Variants in EYS observed in about 807,000 individuals in gnomAD.
The protein encoded by EYS is EGF-like photoreceptor maintenance factor.
Under a neutral mutation model 282.1 loss-of-function variants are expected in EYS, and 250 were observed. The observed-to-expected ratio is 0.89, with a 90% confidence interval of 0.80 to 0.98. The LOEUF is 0.98. EYS is among the 50% of genes least tolerant of loss of function. EYS has a pLI of 0.00. For missense variants in EYS, 4,016 were observed against 3,709.0 expected (o/e 1.08, Z -2.15); for synonymous variants, 1,355 against 1,282.9 (o/e 1.06, Z -1.20).
intron 12 of EYS, among the ~76,000 whole-genome samples, chr6:65,110,603 C>T (rs1775187778): frequency 6.6e-6 from 1 of 151,996 alleles, no homozygotes; most frequent in Admixed American, 6.6e-5. Context: ...TTCCACGTAT[C>T]ATCCCTATTT....
intron 31 of EYS, among the ~76,000 whole-genome samples, chr6:64,218,847 G>T (rs555478262): frequency 1.3e-5 from 2 of 152,260 alleles, no homozygotes; most frequent in Non-Finnish European, 1.5e-5. Flanking sequence ...GAACCGTGAT[G>T]CCTGAGATTT....
At chr6:65,149,882 C>T (rs1175282928) in intron 12 of EYS, among the ~76,000 whole-genome samples, 2 of 152,114 alleles carry the variant, frequency 1.3e-5, no homozygotes, top group African/African-American at 4.8e-5. Context: ...TTAATTGACT[C>T]ACAGTTACAC....
intron 2 of EYS, among the ~76,000 whole-genome samples, chr6:65,622,910 A>C (rs555383838): frequency 7.9e-5 from 12 of 152,002 alleles, no homozygotes; most frequent in Non-Finnish European, 1.5e-4. Context: ...AGCATGCACA[A>C]CACCACCCGA....
intron 13 of EYS, among the ~76,000 whole-genome samples, chr6:65,037,962 A>G (rs1366648131): frequency 1.3e-5 from 2 of 151,702 alleles, no homozygotes; most frequent in African/African-American, 4.8e-5. Flanking sequence ...TTTCCGTATT[A>G]GCAGTTCCTC....
At chr6:63,890,431 A>G (rs1290517085) in intron 35 of EYS, among the ~76,000 whole-genome samples, 1 of 152,258 alleles carries the variant, frequency 6.6e-6, no homozygotes, top group Non-Finnish European at 1.5e-5. Flanking sequence ...ATTAGAACTC[A>G]GGATTAAGAA....
chr6:65,526,095 G>C (rs1008940602), intron 2 of EYS, among the ~76,000 whole-genome samples: 10 of 152,218 alleles, frequency 6.6e-5, no homozygotes, highest in Admixed American at 6.5e-4. Context: ...TTAGTGAAGG[G>C]TATCACATGG....
At chr6:65,233,247 T>C (rs2150269814) in intron 12 of EYS, among the ~76,000 whole-genome samples, 1 of 152,292 alleles carries the variant, frequency 6.6e-6, no homozygotes, top group South Asian at 2.1e-4. Context: ...GCATGTGTCA[T>C]ATATTTCTGT....
At chr6:65,016,487 T>G (rs1772056208) in intron 13 of EYS, among the ~76,000 whole-genome samples, 2 of 152,148 alleles carry the variant, frequency 1.3e-5, no homozygotes, top group African/African-American at 4.8e-5. Flanking sequence ...TTAAAATGTT[T>G]AAAGTGATAA....
intron 12 of EYS, among the ~76,000 whole-genome samples, chr6:65,059,103 A>T (rs1353315170): frequency 6.6e-6 from 1 of 152,136 alleles, no homozygotes; most frequent in Non-Finnish European, 1.5e-5. Context: ...AAAAAAAGTG[A>T]ATATTAAAAA....
chr6:65,462,694 C>A (rs1256966937), intron 5 of EYS, among the ~76,000 whole-genome samples: 1 of 151,980 alleles, frequency 6.6e-6, no homozygotes. Flanking sequence ...TTTACAGGAA[C>A]TTTAATGTCT....
Position 64,626,258 on chromosome 6 carries a change from A to G in EYS, c.3444-13T>C. On this transcript the variant is annotated splice_polypyrimidine_tract_variant and intron_variant, in intron 22 of 42. Transcript: ENST00000503581. ...TCCAGGAAGACATCTAAGGAAAAAA[A>G]ATGAAAACGATATTTGTATATATTA... 2 of 1,519,456 alleles carry G rather than the reference A, an allele frequency of 1.3e-6. No individual in the cohort carries two copies. Among genetic ancestry groups the G allele is most frequent in the Non-Finnish European group, 8.8e-7 (1 of 1,138,270 alleles). 94.1% of individuals were successfully genotyped at this position (1,519,456 alleles called of 1,614,324 possible).
chr6:64,643,328 C>A (rs977701032), intron 22 of EYS, among the ~76,000 whole-genome samples: 1 of 152,068 alleles, frequency 6.6e-6, no homozygotes. Flanking sequence ...AATTTTACAC[C>A]AACCCAATAC....
chr6:64,511,151 C>T (rs1777380817), intron 26 of EYS, among the ~76,000 whole-genome samples: 2 of 148,374 alleles, frequency 1.3e-5, no homozygotes, highest in Admixed American at 1.3e-4. Flanking sequence ...GTTTATATAA[C>T]ACTATTTGCT....
At chr6:65,300,001 T>C (rs1768773287) in intron 11 of EYS, among the ~76,000 whole-genome samples, 1 of 152,228 alleles carries the variant, frequency 6.6e-6, no homozygotes, top group Non-Finnish European at 1.5e-5. Flanking sequence ...TTTAGTGATA[T>C]CATTTGTAGC....
At chr6:64,046,921 TTCTC>T (rs1770647083) in intron 33 of EYS, among the ~76,000 whole-genome samples, 1 of 152,216 alleles carries the variant, frequency 6.6e-6, no homozygotes, top group Non-Finnish European at 1.5e-5. Flanking sequence ...TAGCTTTACA[TTCTC>T]TCTCCTCTTT....
At chr6:64,163,068 T>C (rs115173469) in intron 31 of EYS, among the ~76,000 whole-genome samples, 4,408 of 152,182 alleles carry the variant, frequency 0.029, 69 homozygotes, top group Non-Finnish European at 0.046. Flanking sequence ...ACAAGAAATA[T>C]TGTTTTGTGT....
intron 12 of EYS, among the ~76,000 whole-genome samples, chr6:65,097,544 C>T (rs1774774442): frequency 6.6e-6 from 1 of 150,806 alleles, no homozygotes; most frequent in Non-Finnish European, 1.5e-5. Flanking sequence ...AATAGCTGTG[C>T]TCTCATGTTC....
At chr6:64,283,182 A>G (rs1174149413) in intron 30 of EYS, among the ~76,000 whole-genome samples, 1 of 152,056 alleles carries the variant, frequency 6.6e-6, no homozygotes, top group Non-Finnish European at 1.5e-5. Context: ...TATTCCCCCA[A>G]ATATTGTCCT....
intron 12 of EYS, among the ~76,000 whole-genome samples, chr6:65,063,989 T>C (rs568703344): frequency 4.8e-4 from 73 of 151,414 alleles, no homozygotes; most frequent in African/African-American, 1.6e-3. Flanking sequence ...AATACTTTGT[T>C]GGATGGAAGA....
Sources: gnomAD v4.1 joint callset for allele counts (sites outside exome capture counted in the v4.1 genomes callset) on GRCh38, gnomAD v4.1.1 for gene constraint, MANE v1.5 for transcripts, NCBI Gene and HGNC (gene_info 2026-07-23, HGNC 2026-07-21) for gene names.